GSE1: variants seen among roughly 807,000 people sequenced by gnomAD.
GSE1 encodes the protein Gse1 coiled-coil protein.
A neutral mutation model predicts 112.6 loss-of-function variants in GSE1; 32 were observed. That is an observed-to-expected ratio of 0.28 (90% confidence interval 0.21 to 0.38). The LOEUF is 0.38. Among genes scored for constraint, GSE1 ranks in the 10% least tolerant of loss-of-function variants. The pLI is 1.00. For missense variants in GSE1, 2,348 were observed against 1,699.2 expected (o/e 1.38, Z -6.71); for synonymous variants, 1,115 against 735.6 (o/e 1.52, Z -8.35).
At chr16:85,575,531 T>G (rs1464878883) in intron 1 of GSE1, among the ~76,000 whole-genome samples, 3 of 152,146 alleles carry the variant, frequency 2.0e-5, no homozygotes, top group Non-Finnish European at 4.4e-5. Flanking sequence ...CTTTCACATT[T>G]TATTTTTATT....
At chr16:85,293,152 G>T (rs899309885) in intron 1 of GSE1, among the ~76,000 whole-genome samples, 6 of 151,986 alleles carry the variant, frequency 3.9e-5, no homozygotes, top group Non-Finnish European at 5.9e-5. Flanking sequence ...ATCGGCTTTT[G>T]TCCCCCCATC....
At chr16:85,498,526 T>A (rs1409672123) in intron 2 of GSE1, among the ~76,000 whole-genome samples, 2 of 151,282 alleles carry the variant, frequency 1.3e-5, no homozygotes, top group African/African-American at 4.9e-5. Context: ...GATACATGCA[T>A]GTACACAGAC....
At chr16:85,351,634 C>T (rs150490322) in intron 1 of GSE1, among the ~76,000 whole-genome samples, 274 of 152,222 alleles carry the variant, frequency 1.8e-3, no homozygotes, top group African/African-American at 6.3e-3. Flanking sequence ...AGCCATCAAA[C>T]GATACACTTT....
At chr16:85,294,425 G>A (rs1437876012) in intron 1 of GSE1, among the ~76,000 whole-genome samples, 1 of 152,152 alleles carries the variant, frequency 6.6e-6, no homozygotes, top group African/African-American at 2.4e-5. Flanking sequence ...TGTTCCATGG[G>A]TGACATTTGT....
At chr16:85,416,996 A>G (rs2048717833) in intron 2 of GSE1, among the ~76,000 whole-genome samples, 1 of 152,192 alleles carries the variant, frequency 6.6e-6, no homozygotes, top group African/African-American at 2.4e-5. Context: ...CTGGGAGTAC[A>G]GGCACAAGCC....
intron 2 of GSE1, among the ~76,000 whole-genome samples, chr16:85,494,157 T>C (rs973346774): frequency 6.6e-6 from 1 of 152,232 alleles, no homozygotes; most frequent in Non-Finnish European, 1.5e-5. Flanking sequence ...AACAGAAGCA[T>C]ATTCTCTCCC....
intron 2 of GSE1, among the ~76,000 whole-genome samples, chr16:85,438,535 C>T (rs1488596160): frequency 6.6e-6 from 1 of 152,162 alleles, no homozygotes; most frequent in Non-Finnish European, 1.5e-5. Context: ...TGCTGTCAGC[C>T]TCTTCTTTTA....
chr16:85,244,462 A>G (rs1396395859), intron 1 of GSE1, among the ~76,000 whole-genome samples: 1 of 152,218 alleles, frequency 6.6e-6, no homozygotes, highest in Non-Finnish European at 1.5e-5. Flanking sequence ...GATGCATAAG[A>G]AAATTAATTT....
intron 2 of GSE1, among the ~76,000 whole-genome samples, chr16:85,543,907 A>G (rs1277419753): frequency 3.9e-5 from 6 of 152,110 alleles, no homozygotes; most frequent in African/African-American, 1.4e-4. Flanking sequence ...GCATGATCTC[A>G]GCTCACTGCA....
At chr16:85,611,239 C>G (rs1383360392), upstream of GSE1, among the ~76,000 whole-genome samples, 1 of 152,092 alleles carries the variant, frequency 6.6e-6, no homozygotes, top group Non-Finnish European at 1.5e-5. Context: ...CAGTCGTCGT[C>G]CATTCCTTCC....
intron 1 of GSE1, among the ~76,000 whole-genome samples, chr16:85,625,307 G>A (rs1416857655): frequency 1.3e-5 from 2 of 152,146 alleles, no homozygotes; most frequent in South Asian, 4.1e-4. Flanking sequence ...CCCGTCCCTC[G>A]CCTCCATCCG....
intron 1 of GSE1, among the ~76,000 whole-genome samples, chr16:85,242,251 A>T (rs911255595): frequency 6.6e-6 from 1 of 152,082 alleles, no homozygotes; most frequent in Non-Finnish European, 1.5e-5. Context: ...TGCTCACCCC[A>T]GCCCCCCTGC....
intron 1 of GSE1, among the ~76,000 whole-genome samples, chr16:85,198,960 T>G (rs943549987): frequency 1.3e-5 from 2 of 151,528 alleles, no homozygotes; most frequent in East Asian, 3.9e-4. Context: ...TTTTTTTTTT[T>G]GGGAGACGGA....
At chr16:85,565,415 A>AAAAC (rs1392851226) in intron 1 of GSE1, among the ~76,000 whole-genome samples, 1 of 150,660 alleles carries the variant, frequency 6.6e-6, no homozygotes, top group African/African-American at 2.5e-5. Context: ...ACAAAAAAAA[A>AAAAC]CAAAAAAACC....
intron 2 of GSE1, among the ~76,000 whole-genome samples, chr16:85,411,822 C>T (rs1199789254): frequency 1.9e-4 from 2 of 10,576 alleles, no homozygotes; most frequent in African/African-American, 3.5e-4. Flanking sequence ...GGATAATCCT[C>T]ACCGTTACAC....
intron 14 of GSE1, 54 bp downstream of exon 14, chr16:85,668,478 A>G (rs2053067497): frequency 1.6e-6 from 2 of 1,253,652 alleles, no homozygotes; most frequent in Admixed American, 1.8e-5. Flanking sequence ...ACCTTTGGAA[A>G]GGAAGCTGAG....
intron 2 of GSE1, among the ~76,000 whole-genome samples, chr16:85,390,678 T>G (rs1239829517): frequency 9.1e-6 from 1 of 109,514 alleles, no homozygotes; most frequent in Non-Finnish European, 1.9e-5. Context: ...TACCCCCGCC[T>G]TGTCCCCCCC....
intron 8 of GSE1, among the ~76,000 whole-genome samples, chr16:85,660,475 A>T (rs534515518): frequency 1.8e-3 from 277 of 152,122 alleles, no homozygotes; most frequent in African/African-American, 6.4e-3. Flanking sequence ...TATCTCTACT[A>T]AATAGGAAAA....
chr16:85,487,003 C>T (rs867681915), intron 2 of GSE1, among the ~76,000 whole-genome samples: 31 of 152,244 alleles, frequency 2.0e-4, no homozygotes, highest in African/African-American at 6.3e-4. Context: ...TTGGGGTTCA[C>T]GGGTGGTTGC....
Sources: allele counts gnomAD v4.1 joint callset (sites outside exome capture counted in the v4.1 genomes callset), GRCh38; gene constraint gnomAD v4.1.1; transcripts MANE v1.5; gene names NCBI Gene and HGNC (gene_info 2026-07-23, HGNC 2026-07-21).